Variants in ADAM2 observed in about 807,000 individuals in gnomAD.
ADAM2 encodes disintegrin and metalloproteinase domain-containing protein 2.
In ADAM2, 101 loss-of-function variants were observed where a neutral mutation model predicts 99.3. That is an observed-to-expected ratio of 1.02 (90% confidence interval 0.87 to 1.20). The LOEUF (loss-of-function observed/expected upper bound fraction) is 1.20, where lower values mean the gene tolerates loss of function less well. Among genes scored for constraint, ADAM2 ranks in the 50% most tolerant of loss-of-function variants. The pLI is 0.00. For missense variants in ADAM2, 948 were observed against 878.7 expected, an observed-to-expected ratio of 1.08 and a Z score of -1.00; for synonymous variants, 323 against 287.6, an observed-to-expected ratio of 1.12 and a Z score of -1.25.
At chr8:39,778,143 C>G (rs1370783085) in intron 10 of ADAM2, among the ~76,000 whole-genome samples, 1 of 151,142 alleles carries the variant, frequency 6.6e-6, no homozygotes, top group Non-Finnish European at 1.5e-5. Flanking sequence ...CACACTATAA[C>G]ATGAATTTTG....
At chr8:39,790,759 TCTC>T (rs1236110003) in intron 7 of ADAM2, among the ~76,000 whole-genome samples, 1 of 151,740 alleles carries the variant, frequency 6.6e-6, no homozygotes, top group African/African-American at 2.4e-5. Flanking sequence ...TTCCAAATCT[TCTC>T]CTCTTTTCAA....
Position 39,749,413 on chromosome 8 carries a change from G to A in ADAM2, c.1913C>T (p.Ser638Leu). Residue 638 changes from serine (S) to leucine (L), a missense_variant, in exon 18 of 21, where the codon TCA becomes TTA. Physicochemically the swap from Ser to Leu is moderately radical, Grantham distance 145. Transcript: ENST00000265708. ...AACTGAGCAATCTGGAGGTAAATATGAAGCACTACAGTGACAGTGCTTTTT... is the reference window on the plus strand; with the variant it reads ...AACTGAGCAATCTGGAGGTAAATATAAAGCACTACAGTGACAGTGCTTTTT... ...NNKKHCHCSASYLPPDCSVQS... is the reference protein window; with the variant it reads ...NNKKHCHCSALYLPPDCSVQS... The A allele has an allele frequency of 6.2e-7, 1 of 1,613,182 alleles. No homozygotes were observed. Among genetic ancestry groups the A allele is most frequent in the Admixed American group, 1.7e-5 (1 of 59,972 alleles).
intron 7 of ADAM2, among the ~76,000 whole-genome samples, chr8:39,808,383 A>T (rs1804537517): frequency 6.6e-6 from 1 of 152,212 alleles, no homozygotes; most frequent in South Asian, 2.1e-4. Flanking sequence ...CAAAGGACTC[A>T]TATACTGAAA....
intron 16 of ADAM2, among the ~76,000 whole-genome samples, chr8:39,753,400 A>G (rs1017998623): frequency 6.6e-6 from 1 of 152,062 alleles, no homozygotes; most frequent in Non-Finnish European, 1.5e-5. Context: ...AAAAGTTGGA[A>G]AAATTTGCAG....
chr8:39,821,140 A>T lies in ADAM2; in HGVS notation c.375T>A (p.Tyr125Ter). 2 of 1,603,154 alleles carry T rather than the reference A, an allele frequency of 1.2e-6. No homozygotes were observed. Among genetic ancestry groups the T allele is most frequent in the Non-Finnish European group, 1.7e-6 (2 of 1,176,078 alleles). Reference protein sequence around the residue: ...RGVLQFENVSYGIEPLESSVG... With the variant: ...RGVLQFENVS ...CTGAAGACTCCAGGGGTTCTATTCCATAACTAACATTTTCAAACTGTAGTA... is the reference window on the plus strand; with the variant it reads ...CTGAAGACTCCAGGGGTTCTATTCCTTAACTAACATTTTCAAACTGTAGTA... The change falls in exon 6 of 21, where the codon TAT becomes TAA. Residue 125 changes from tyrosine to a stop codon, truncating the protein, a stop_gained. Transcript: ENST00000265708. LOFTEE classifies it high-confidence loss of function.
At position 39,788,053 on chromosome 8, in the gene ADAM2, A is replaced by T. The variant is rs183739547; in HGVS notation, c.809+32T>A. On this transcript the variant is annotated intron_variant, in intron 9 of 20. Transcript: ENST00000265708. ...GTCAAATTGCATAAATTTTCTTCAG[A>T]TAAACTTTATATAATGTCAAGATAT... is the stretch of plus-strand genomic sequence containing the variant. 2,449 of 1,348,658 alleles carry T rather than the reference A, an allele frequency of 1.8e-3. 4 individuals are homozygous for T. Among genetic ancestry groups the T allele is most frequent in the Middle Eastern group, 3.0e-3 (15 of 5,064 alleles). The allele number at this position is 1,348,658 out of a possible 1,614,324, so 83.5% of individuals were successfully genotyped here.
intron 7 of ADAM2, among the ~76,000 whole-genome samples, chr8:39,805,861 A>G (rs1186464751): frequency 1.3e-5 from 2 of 152,226 alleles, no homozygotes; most frequent in East Asian, 1.9e-4. Flanking sequence ...TAAGCAACAG[A>G]TCAGAAGATT....
intron 8 of ADAM2, 57 bp downstream of exon 8, chr8:39,788,612 G>T: frequency 8.2e-7 from 1 of 1,226,544 alleles, no homozygotes; most frequent in Non-Finnish European, 1.2e-6. Context: ...ATAATGAGGT[G>T]TAGAAATTGT....
At chr8:39,810,040 T>A (rs534302726) in intron 6 of ADAM2, among the ~76,000 whole-genome samples, 1 of 152,056 alleles carries the variant, frequency 6.6e-6, no homozygotes, top group South Asian at 2.1e-4. Flanking sequence ...AGGAGACCCA[T>A]CTCATGTGCA....
chr8:39,780,595 T>C (rs1803177695), intron 10 of ADAM2, among the ~76,000 whole-genome samples: 1 of 152,132 alleles, frequency 6.6e-6, no homozygotes, highest in Non-Finnish European at 1.5e-5. Flanking sequence ...GAAAGAACAC[T>C]TAATAATTTA....
chr8:39,821,063 G>C lies in ADAM2; in HGVS notation c.452C>G (p.Ser151Cys). 6.2e-7 allele frequency: 1 copy of C among 1,603,644 alleles called. No individual in the cohort carries two copies. The highest frequency in any genetic ancestry group is 8.5e-7 in the Non-Finnish European group (1 of 1,171,204). The change falls in exon 6 of 21, where the codon TCC becomes TGC. Residue 151 changes from serine to cysteine, a missense_variant. Coordinates refer to ENST00000265708, the MANE Select transcript of ADAM2 (RefSeq NM_001464.5). ...YQVKHKKADV[S>C]LYNEKDIESR... ...TTCAATATCCTTCTCATTATATAAG[G>C]AAACATCTGCTTTCTTATGTTTTAC...
intron 11 of ADAM2, among the ~76,000 whole-genome samples, chr8:39,776,553 A>T (rs1399978356): frequency 2.0e-5 from 3 of 152,106 alleles, no homozygotes. Context: ...AGCAAAAAAA[A>T]TTCACTAGAT....
chr8:39,793,968 C>T (rs76718809), intron 7 of ADAM2, among the ~76,000 whole-genome samples: 5,600 of 152,132 alleles, frequency 0.037, 248 homozygotes, highest in East Asian at 0.2. Context: ...AAGAGGGCAA[C>T]GACAATTGGA....
chr8:39,767,170 A>G lies in ADAM2; in HGVS notation c.1294T>C (p.Cys432Arg), dbSNP rs777212743. 9.3e-6 allele frequency: 15 copies of G among 1,606,832 alleles called. No individual in the cohort carries two copies. The Admixed American group carries it at 1.1e-4, about 11-fold the overall frequency. The change falls in exon 13 of 21, where the codon TGC becomes CGC. Residue 432 changes from cysteine to arginine, a missense_variant. Physicochemically the swap from Cys to Arg is radical, Grantham distance 180 (BLOSUM62 -3). Transcript: ENST00000265708. ...GCTCTTACTAGACAGTTTTCGCAGC[A>G]TGGTCCTTCAGCACAGTTTGAACCG... Reference protein sequence around the residue: ...KAGSNCAEGPCCENCLFMSKE... With the variant: ...KAGSNCAEGPRCENCLFMSKE...
At chr8:39,758,245 A>G (rs1367189445) in intron 15 of ADAM2, among the ~76,000 whole-genome samples, 5 of 152,166 alleles carry the variant, frequency 3.3e-5, no homozygotes, top group African/African-American at 1.2e-4. Context: ...AAAAAAAAAG[A>G]AATAAAGGGC....
At chr8:39,788,334 A>C in intron 8 of ADAM2, 83 bp from the exon 9 acceptor site, 1 of 866,206 alleles carries the variant, frequency 1.2e-6, no homozygotes, top group African/African-American at 1.8e-5. Context: ...CAAATTTATG[A>C]TAAATATTAA....
chr8:39,803,439 G>C (rs1035558619), intron 7 of ADAM2, among the ~76,000 whole-genome samples: 3 of 152,178 alleles, frequency 2.0e-5, no homozygotes, highest in Admixed American at 1.3e-4. Flanking sequence ...CAGTCAACCT[G>C]AGCCAATATA....
rs183048658 is a variant in ADAM2 at position 39,783,931 on chromosome 8, C to T, written c.891+3043G>A. Among the ~76,000 whole-genome samples the T allele has an allele frequency of 4.6e-3, 689 of 150,406 alleles. 8 individuals carry two copies. The highest frequency in any genetic ancestry group is 0.016 in the African/African-American group (641 of 40,726). On this transcript the variant is annotated intron_variant, in intron 10 of 20. Coordinates refer to ENST00000265708, the MANE Select transcript of ADAM2 (RefSeq NM_001464.5). ...CCCCATTCCAGCCTGGGTGACAGAG[C>T]GAGACTCTGTCTCGAAAAGAAAAAA...
At chr8:39,831,696 A>AGAGTAGAT (rs1338858451) in intron 3 of ADAM2, among the ~76,000 whole-genome samples, 1 of 152,182 alleles carries the variant, frequency 6.6e-6, no homozygotes, top group African/African-American at 2.4e-5. Context: ...ATATTCTTGA[A>AGAGTAGAT]GAGTAGATTA....
Sources: gnomAD v4.1 joint callset for allele counts (sites outside exome capture counted in the v4.1 genomes callset) on GRCh38, gnomAD v4.1.1 for gene constraint, MANE v1.5 for transcripts, NCBI Gene and HGNC (gene_info 2026-07-23, HGNC 2026-07-21) for gene names.